Variants in SLC24A3 observed in about 807,000 individuals in gnomAD.
SLC24A3 encodes sodium/potassium/calcium exchanger 3.
SLC24A3 carries 28 observed loss-of-function variants against 75.8 expected under a neutral mutation model. That is an observed-to-expected ratio of 0.37 (90% CI 0.27 to 0.51). The LOEUF is 0.51. Among genes scored for constraint, SLC24A3 ranks in the 20% least tolerant of loss-of-function variants. SLC24A3 has a pLI of 0.94. For synonymous variants in SLC24A3, 372 were observed against 334.1 expected (o/e 1.11, Z -1.24); for missense variants, 663 against 847.8 (o/e 0.78, Z 2.71).
intron 2 of SLC24A3, among the ~76,000 whole-genome samples, chr20:19,311,338 C>T (rs1984452948): frequency 6.6e-6 from 1 of 152,048 alleles, no homozygotes; most frequent in East Asian, 1.9e-4. Flanking sequence ...TCCAGGGCCC[C>T]ACACAGGAAA....
rs189873899 is a variant in SLC24A3 at position 19,340,612 on chromosome 20, G to C, written c.271+59525G>C. Reference sequence around the variant, plus strand: ...CACAGCCTGGGCAGGGAGGAAGAGTGGGGTGAAGAGAGGCCATTGACAAAA... The same window carrying C: ...CACAGCCTGGGCAGGGAGGAAGAGTCGGGTGAAGAGAGGCCATTGACAAAA... On this transcript the variant is annotated intron_variant, in intron 2 of 16. Coordinates refer to ENST00000328041, the MANE Select transcript of SLC24A3 (RefSeq NM_020689.4). Among the ~76,000 whole-genome samples, 5 of 152,248 alleles carry C rather than the reference G, an allele frequency of 3.3e-5. No individual in the cohort carries two copies. The East Asian group carries it at 5.8e-4, about 18-fold the overall frequency.
In SLC24A3 at chr20:19,520,850, A is replaced by G. The variant is rs138082927; in HGVS notation, c.348+5286A>G. On this transcript the variant is annotated intron_variant, in intron 3 of 16. Transcript: ENST00000328041. Reference sequence around the variant, plus strand: ...CATCCAAATTCTCTCTTATTCCTAGATCAGCTTTTAAACTTCAGAATGTGC... The same window carrying G: ...CATCCAAATTCTCTCTTATTCCTAGGTCAGCTTTTAAACTTCAGAATGTGC... Among the ~76,000 whole-genome samples, 19 of 152,304 alleles carry G rather than the reference A, an allele frequency of 1.2e-4. No individual in the cohort carries two copies. In the East Asian group the frequency reaches 2.7e-3, roughly 22 times the overall value.
At chr20:19,580,817 T>G (rs2122632583) in intron 4 of SLC24A3, among the ~76,000 whole-genome samples, 1 of 152,298 alleles carries the variant, frequency 6.6e-6, no homozygotes, top group South Asian at 2.1e-4. Flanking sequence ...AGAAGGCATC[T>G]CCCCCAGACA....
intron 6 of SLC24A3, among the ~76,000 whole-genome samples, chr20:19,650,658 GC>G (rs1284850136): frequency 1.3e-5 from 2 of 151,338 alleles, no homozygotes; most frequent in Admixed American, 1.3e-4. Flanking sequence ...TCACTACCCA[GC>G]CCCCATCTTC....
chr20:19,477,279 G>C (rs1457771171), intron 2 of SLC24A3, among the ~76,000 whole-genome samples: 1 of 152,176 alleles, frequency 6.6e-6, no homozygotes, highest in Non-Finnish European at 1.5e-5. Context: ...TGGACCCTGG[G>C]CTGGGTCAAG....
intron 6 of SLC24A3, among the ~76,000 whole-genome samples, chr20:19,644,639 G>A (rs1352468609): frequency 6.6e-6 from 1 of 152,154 alleles, no homozygotes; most frequent in Non-Finnish European, 1.5e-5. Flanking sequence ...TTCTCTCTAT[G>A]ATAATGAATT....
chr20:19,710,263 AT>A (rs2032974132), intron 15 of SLC24A3, among the ~76,000 whole-genome samples: 1 of 152,220 alleles, frequency 6.6e-6, no homozygotes. Context: ...GGAAATCAGA[AT>A]CTTTTAGGGT....
rs78802829 is a variant in SLC24A3 at position 19,695,864 on chromosome 20, C to G, written c.1492-933C>G. 5.8e-3 allele frequency among the ~76,000 whole-genome samples: 884 copies of G among 152,240 alleles called. 2 individuals carry two copies. Among genetic ancestry groups the G allele is most frequent in the Middle Eastern group, 0.027 (8 of 292 alleles). On this transcript the variant is annotated intron_variant, in intron 13 of 16. Transcript: ENST00000328041. The stretch of plus-strand genomic sequence containing the variant: ...ATGAGTGAGAACATGTGGAGTTTGA[C>G]TTTCTGTGTCTGAGCTGTTTCACTT...
chr20:19,324,793 T>C (rs1026989736), intron 2 of SLC24A3, among the ~76,000 whole-genome samples: 5 of 152,240 alleles, frequency 3.3e-5, no homozygotes, highest in African/African-American at 1.2e-4. Context: ...TTGTGACACA[T>C]GCCGTCCTGA....
At chr20:19,331,351 G>A (rs558600785) in intron 2 of SLC24A3, among the ~76,000 whole-genome samples, 1 of 152,234 alleles carries the variant, frequency 6.6e-6, no homozygotes, top group African/African-American at 2.4e-5. Context: ...ATAGATAGAT[G>A]GATGGATGAG....
intron 12 of SLC24A3, among the ~76,000 whole-genome samples, chr20:19,689,165 G>A (rs1206721148): frequency 6.6e-6 from 1 of 152,092 alleles, no homozygotes; most frequent in African/African-American, 2.4e-5. Flanking sequence ...ATATAAGTAG[G>A]TTTTTCCAAA....
intron 12 of SLC24A3, among the ~76,000 whole-genome samples, chr20:19,692,141 TTAC>T (rs1208893611): frequency 6.6e-6 from 1 of 152,236 alleles, no homozygotes; most frequent in Non-Finnish European, 1.5e-5. Context: ...AAACATTTAA[TTAC>T]TGTTCAAATG....
Position 19,353,068 on chromosome 20 carries a change from C to G in SLC24A3, c.271+71981C>G, listed in dbSNP as rs142038994. ...CTGTCGTGCTATACAGGTTTGTAGCCTAGGAGCAATAGGCTATACCTCATA... is the reference window on the plus strand; with the variant it reads ...CTGTCGTGCTATACAGGTTTGTAGCGTAGGAGCAATAGGCTATACCTCATA... On this transcript the variant is annotated intron_variant, in intron 2 of 16. Coordinates refer to ENST00000328041, the MANE Select transcript of SLC24A3 (RefSeq NM_020689.4). Among the ~76,000 whole-genome samples, 612 of 152,298 alleles carry G rather than the reference C, an allele frequency of 4.0e-3. 2 individuals are homozygous for G. Among genetic ancestry groups the G allele is most frequent in the Non-Finnish European group, 7.8e-3 (529 of 68,024 alleles).
At chr20:19,372,341 C>A (rs1986007336) in intron 2 of SLC24A3, among the ~76,000 whole-genome samples, 1 of 152,174 alleles carries the variant, frequency 6.6e-6, no homozygotes, top group Non-Finnish European at 1.5e-5. Flanking sequence ...ACAAGTGAAG[C>A]CTCATGAGGT....
intron 6 of SLC24A3, among the ~76,000 whole-genome samples, chr20:19,587,090 T>A (rs1266000387): frequency 6.6e-6 from 1 of 152,216 alleles, no homozygotes; most frequent in Non-Finnish European, 1.5e-5. Context: ...AGTCTGTCGC[T>A]GTTAGCACTC....
At chr20:19,606,936 T>C (rs532213302) in intron 6 of SLC24A3, among the ~76,000 whole-genome samples, 1 of 152,306 alleles carries the variant, frequency 6.6e-6, no homozygotes, top group South Asian at 2.1e-4. Flanking sequence ...TCACACTTGG[T>C]ACACCTGTCA....
At chr20:19,326,173 T>C (rs532523374) in intron 2 of SLC24A3, among the ~76,000 whole-genome samples, 1 of 151,814 alleles carries the variant, frequency 6.6e-6, no homozygotes, top group East Asian at 1.9e-4. Flanking sequence ...AAGCAACAGA[T>C]GGGGTATGCA....
intron 5 of SLC24A3, 146 bp from the exon 6 acceptor site, chr20:19,585,295 C>T (rs1013882121): frequency 1.2e-6 from 1 of 801,182 alleles, no homozygotes; most frequent in African/African-American, 1.7e-5. Flanking sequence ...GCTATCATCC[C>T]TCTGTAGATT....
chr20:19,580,073 A>T lies in SLC24A3; in HGVS notation c.422A>T (p.Glu141Val), dbSNP rs2031197904. Residue 141 changes from glutamate to valine, a missense_variant and splice_region_variant, in exon 4 of 17, where the codon GAG becomes GTG. Transcript: ENST00000328041. ...FFVPSLEKIC[E>V]RLHLSEDVAG... ...GTCCCTTCCTTGGAAAAGATCTGTGAGGTACGTGCCTCACATTCTTGGTAT... is the reference window on the plus strand; with the variant it reads ...GTCCCTTCCTTGGAAAAGATCTGTGTGGTACGTGCCTCACATTCTTGGTAT... 2.5e-6 allele frequency: 4 copies of T among 1,613,176 alleles called. No individual in the cohort carries two copies. The highest frequency in any genetic ancestry group is 3.4e-6 in the Non-Finnish European group (4 of 1,179,256).
Sources: gnomAD v4.1 joint callset for allele counts (sites outside exome capture counted in the v4.1 genomes callset) on GRCh38, gnomAD v4.1.1 for gene constraint, MANE v1.5 for transcripts, NCBI Gene and HGNC (gene_info 2026-07-23, HGNC 2026-07-21) for gene names.